Variants in ABCB4 observed in about 807,000 individuals in gnomAD.
The protein encoded by ABCB4 is phosphatidylcholine translocator ABCB4.
A neutral mutation model predicts 145.7 loss-of-function variants in ABCB4; 76 were observed. The ratio of observed to expected loss-of-function variants is 0.52; its 90% CI spans 0.43 to 0.63. ABCB4 has a LOEUF of 0.63. ABCB4 is among the 30% of genes least tolerant of loss of function. The probability of loss-of-function intolerance (pLI) is 0.00; values close to 1 mark genes in which losing one functional copy is unlikely to be tolerated. For synonymous variants in ABCB4, 517 were observed against 566.8 expected (o/e 0.91, Z 1.25); for missense variants, 1,234 against 1,553.1 (o/e 0.79, Z 3.45).
intron 5 of ABCB4, among the ~76,000 whole-genome samples, chr7:87,453,841 C>A (rs56223611): frequency 0.19 from 28,385 of 151,940 alleles, 3,021 homozygotes; most frequent in African/African-American, 0.29. Flanking sequence ...TAGTAATAAG[C>A]AGATTGAACA....
chr7:87,367,910 C>G, the ABCB4 span, among the ~76,000 whole-genome samples: 1 of 152,224 alleles, frequency 6.6e-6, no homozygotes, highest in South Asian at 2.1e-4. Flanking sequence ...CATACCTTCT[C>G]TTCACCCTTG....
At chr7:87,426,666 A>G (rs1584714479) in intron 16 of ABCB4, 84 bp downstream of exon 16, 2 of 1,454,236 alleles carry the variant, frequency 1.4e-6, no homozygotes, top group East Asian at 4.6e-5. Context: ...TCTGTGCCTG[A>G]AAAATATTTG....
At chr7:87,377,394 G>T in the ABCB4 span, 1 of 1,611,858 alleles carries the variant, frequency 6.2e-7, no homozygotes, top group East Asian at 2.2e-5. Context: ...ACGCTGGGGT[G>T]ACAAATCCTA....
chr7:87,410,723 C>T (rs1808560753), intron 23 of ABCB4, among the ~76,000 whole-genome samples: 1 of 152,188 alleles, frequency 6.6e-6, no homozygotes, highest in African/African-American at 2.4e-5. Context: ...TCTGGGGATT[C>T]CAACTATCAT....
intron 21 of ABCB4, among the ~76,000 whole-genome samples, chr7:87,416,934 T>C (rs1030612919): frequency 5.3e-5 from 8 of 152,208 alleles, no homozygotes; most frequent in Non-Finnish European, 7.3e-5. Flanking sequence ...GAAGAGGATC[T>C]CTTAAATGCC....
Position 87,422,187 on chromosome 7 carries a change from C to T in ABCB4, c.2250G>A (p.Lys750=). 1 of 1,613,740 alleles carries T rather than the reference C, an allele frequency of 6.2e-7. No individual in the cohort carries two copies. Among genetic ancestry groups the T allele is most frequent in the Non-Finnish European group, 8.5e-7 (1 of 1,179,750 alleles). The change falls in exon 18 of 28, where the codon AAG becomes AAA. Residue 750 remains lysine (K), a synonymous_variant. Coordinates refer to ENST00000649586, the MANE Select transcript of ABCB4 (RefSeq NM_000443.4). Reference sequence around the variant, plus strand: ...AGAAAATCAAAGAGAATATGTTGCACTTCTGCTGCTTCACTGCATCATCGC... The same window carrying T: ...AGAAAATCAAAGAGAATATGTTGCATTTCTGCTGCTTCACTGCATCATCGC... ...GPGDDAVKQQ[K]CNIFSLIFLF...
downstream of ABCB4, among the ~76,000 whole-genome samples, chr7:87,397,963 G>C (rs1807596410): frequency 6.6e-6 from 1 of 151,978 alleles, no homozygotes; most frequent in African/African-American, 2.4e-5. Flanking sequence ...AGCTTCCCAG[G>C]GCCACTTTTC....
intron 8 of ABCB4, chr7:87,448,516 C>G (rs1562984797): frequency 6.6e-6 from 1 of 152,294 alleles, no homozygotes; most frequent in Non-Finnish European, 1.5e-5. Context: ...TGTGATTTCT[C>G]CTGTGTGGCT....
chr7:87,427,182 G>A (rs1422281983), intron 15 of ABCB4, among the ~76,000 whole-genome samples: 6 of 151,926 alleles, frequency 3.9e-5, no homozygotes, highest in Admixed American at 3.3e-4. Flanking sequence ...CACATTTTTC[G>A]TAATCCAGAA....
chr7:87,392,841 T>C, the ABCB4 span: 2 of 1,610,496 alleles, frequency 1.2e-6, no homozygotes, highest in Non-Finnish European at 8.5e-7. Flanking sequence ...AGTGTAGTGT[T>C]TTACAGCTTC....
the ABCB4 span, among the ~76,000 whole-genome samples, chr7:87,372,202 T>C: frequency 1.3e-5 from 2 of 152,218 alleles, no homozygotes; most frequent in Non-Finnish European, 2.9e-5. Context: ...TTTATCCTTA[T>C]TGATTTATAG....
chr7:87,404,178 T>C (rs1032514604), intron 26 of ABCB4, among the ~76,000 whole-genome samples: 1 of 152,172 alleles, frequency 6.6e-6, no homozygotes, highest in Non-Finnish European at 1.5e-5. Flanking sequence ...GGTTTTAAAA[T>C]TTTATTTGTG....
At chr7:87,403,859 T>C (rs1435042564) in intron 26 of ABCB4, among the ~76,000 whole-genome samples, 1 of 152,124 alleles carries the variant, frequency 6.6e-6, no homozygotes, top group Non-Finnish European at 1.5e-5. Context: ...ATAGAAGTTG[T>C]TATGGAGACA....
At chr7:87,386,814 T>G in the ABCB4 span, among the ~76,000 whole-genome samples, 1 of 152,180 alleles carries the variant, frequency 6.6e-6, no homozygotes, top group Non-Finnish European at 1.5e-5. Flanking sequence ...CACTGAGTTT[T>G]GTTCATTGGG....
At chr7:87,435,588 T>C (rs1237516842) in intron 14 of ABCB4, among the ~76,000 whole-genome samples, 1 of 152,218 alleles carries the variant, frequency 6.6e-6, no homozygotes, top group African/African-American at 2.4e-5. Context: ...AAAAGCAACC[T>C]GCCTTAGGCA....
chr7:87,384,686 TTCCTC>T, the ABCB4 span, among the ~76,000 whole-genome samples: 18 of 152,366 alleles, frequency 1.2e-4, no homozygotes, highest in East Asian at 2.5e-3. Context: ...TGCTGATTGT[TTCCTC>T]TGCAGTGCAG....
intron 14 of ABCB4, among the ~76,000 whole-genome samples, chr7:87,436,407 C>T (rs1221208340): frequency 6.6e-6 from 1 of 151,650 alleles, no homozygotes; most frequent in African/African-American, 2.4e-5. Flanking sequence ...GAGCCTGTCT[C>T]AAAATAAAAT....
the ABCB4 span, chr7:87,369,297 T>C: frequency 1.2e-6 from 1 of 853,342 alleles, no homozygotes; most frequent in Non-Finnish European, 1.9e-6. Context: ...AATGCCTACT[T>C]TTCTTCTATT....
Position 87,454,552 on chromosome 7 carries a change from C to T in ABCB4, c.327G>A (p.Leu109=). The change falls in exon 5 of 28, where the codon CTG becomes CTA. Residue 109 remains leucine, a synonymous_variant. Coordinates refer to ENST00000649586, the MANE Select transcript of ABCB4 (RefSeq NM_000443.4). ...TGAGTTACCTAGTCATTTCTTCTTC[C>T]AGAATTTTGCCTGGATTTAGCAGCG... The part of the protein sequence containing the change: ...SLSLLNPGKI[L]EEEMTRYAYY... 6.2e-7 allele frequency: 1 copy of T among 1,611,044 alleles called. No homozygotes were observed. The highest frequency in any genetic ancestry group is 8.5e-7 in the Non-Finnish European group (1 of 1,178,244).
Sources: allele counts gnomAD v4.1 joint callset (sites outside exome capture counted in the v4.1 genomes callset), GRCh38; gene constraint gnomAD v4.1.1; transcripts MANE v1.5; gene names NCBI Gene and HGNC (gene_info 2026-07-23, HGNC 2026-07-21).